ADGRL2: variants seen among roughly 807,000 people sequenced by gnomAD.
ADGRL2 encodes calcium-independent alpha-latrotoxin receptor 2.
In ADGRL2, 44 loss-of-function variants were observed where a neutral mutation model predicts 157.4. The ratio of observed to expected loss-of-function variants is 0.28; its 90% CI spans 0.22 to 0.36. The LOEUF (loss-of-function observed/expected upper bound fraction) is 0.36. Among genes scored for constraint, ADGRL2 ranks in the 10% least tolerant of loss-of-function variants. The probability of loss-of-function intolerance (pLI) is 1.00; values close to 1 mark genes in which losing one functional copy is unlikely to be tolerated. For missense variants in ADGRL2, 1,510 were observed against 1,768.9 expected (o/e 0.85, Z 2.63); for synonymous variants, 585 against 624.7 (o/e 0.94, Z 0.95).
intron 21 of ADGRL2, among the ~76,000 whole-genome samples, chr1:81,986,007 A>T (rs1054828736): frequency 1.3e-5 from 2 of 152,076 alleles, no homozygotes; most frequent in Non-Finnish European, 2.9e-5. Context: ...AATGAAATAT[A>T]ATGACATTTT....
intron 18 of ADGRL2, chr1:81,980,789 C>G: frequency 1.4e-6 from 1 of 706,696 alleles, no homozygotes; most frequent in Non-Finnish European, 2.7e-6. Context: ...TTCTCATCTA[C>G]ACCAGTAATT....
intron 1 of ADGRL2, among the ~76,000 whole-genome samples, chr1:81,750,241 C>A (rs902521743): frequency 2.0e-5 from 3 of 152,274 alleles, no homozygotes; most frequent in South Asian, 2.1e-4. Flanking sequence ...AACAGAGAGC[C>A]TCAGTAGCCT....
At chr1:81,326,825 G>A (rs543690055) in intron 1 of ADGRL2, among the ~76,000 whole-genome samples, 68 of 152,210 alleles carry the variant, frequency 4.5e-4, no homozygotes, top group African/African-American at 1.6e-3. Flanking sequence ...ATCCTGAACC[G>A]TCAGAAATAA....
chr1:81,698,514 G>T (rs911538754), upstream of ADGRL2, among the ~76,000 whole-genome samples: 1 of 152,160 alleles, frequency 6.6e-6, no homozygotes, highest in Non-Finnish European at 1.5e-5. Context: ...GCAAGTTGAA[G>T]CAAAGGCAAT....
intron 3 of ADGRL2, among the ~76,000 whole-genome samples, chr1:81,609,932 A>G (rs2081506414): frequency 6.6e-6 from 1 of 152,214 alleles, no homozygotes. Flanking sequence ...TCACCAATAA[A>G]AATCCACTTC....
chr1:81,929,141 G>A (rs1036258404), intron 3 of ADGRL2, among the ~76,000 whole-genome samples: 2 of 152,054 alleles, frequency 1.3e-5, no homozygotes, highest in Non-Finnish European at 2.9e-5. Flanking sequence ...TGTTCAAGGC[G>A]GTAGATTTTG....
chr1:81,983,201 C>T (rs571136430), intron 19 of ADGRL2, among the ~76,000 whole-genome samples: 14 of 151,852 alleles, frequency 9.2e-5, no homozygotes, highest in Non-Finnish European at 1.6e-4. Context: ...GTCTCTTATG[C>T]TTTTTAGATT....
At chr1:81,330,894 A>C (rs1318140920) in intron 1 of ADGRL2, among the ~76,000 whole-genome samples, 1 of 152,208 alleles carries the variant, frequency 6.6e-6, no homozygotes, top group African/African-American at 2.4e-5. Flanking sequence ...TAAAGAACAC[A>C]GAACACATGT....
chr1:81,710,314 C>A (rs1370519680), intron 1 of ADGRL2, among the ~76,000 whole-genome samples: 1 of 152,034 alleles, frequency 6.6e-6, no homozygotes, highest in African/African-American at 2.4e-5. Context: ...TTTCTACTCT[C>A]AAAAATTATT....
chr1:81,423,257 T>C (rs1010813094), intron 1 of ADGRL2, among the ~76,000 whole-genome samples: 3 of 152,198 alleles, frequency 2.0e-5, no homozygotes, highest in Non-Finnish European at 2.9e-5. Flanking sequence ...CCATGTTACC[T>C]GCTTTTAGGA....
chr1:81,952,465 A>G (rs1234804662), intron 9 of ADGRL2, among the ~76,000 whole-genome samples: 2 of 152,280 alleles, frequency 1.3e-5, no homozygotes, highest in South Asian at 2.1e-4. Flanking sequence ...CAGTTGATAT[A>G]CTTTATATGC....
rs757001353 is a variant in ADGRL2, at chr1:81,951,962, A to T, written c.1614A>T (p.Arg538Ser). The T allele has an allele frequency of 2.5e-6, 4 of 1,603,366 alleles. No homozygotes were observed. Among genetic ancestry groups the T allele is most frequent in the Non-Finnish European group, 3.4e-6 (4 of 1,175,362 alleles). Reference sequence around the variant, plus strand: ...AATACAAATTGTTTTTTCAGATCAGAAGCGGAGAAAATGCTGCTAGTCTTG... The same window carrying T: ...AATACAAATTGTTTTTTCAGATCAGTAGCGGAGAAAATGCTGCTAGTCTTG... The part of the protein sequence containing the change: ...HWVNQLAQKI[R>S]SGENAASLAN... Residue 538 changes from arginine to serine, a missense_variant, in exon 9 of 24, where the codon AGA (arginine) becomes AGT (serine). Arg to Ser is a moderately radical substitution (Grantham distance 110, BLOSUM62 -1). This residue lies in a region of ADGRL2 where 325 missense variants were observed against 333.2 expected (regional missense o/e 0.98). Transcript: ENST00000686636.
intron 1 of ADGRL2, among the ~76,000 whole-genome samples, chr1:81,324,173 G>A (rs1050417666): frequency 2.0e-5 from 3 of 152,082 alleles, no homozygotes; most frequent in East Asian, 3.9e-4. Flanking sequence ...GGCTTCAAGC[G>A]GAGGAGATGG....
rs754888148 is a variant in ADGRL2, at chr1:81,620,089, G to A, written c.-143+39109G>A. On this transcript the variant is annotated intron_variant, in intron 3 of 24. Transcript: ENST00000370721. ...TTATACTATGGTTTAAGGCTCAGAG[G>A]GCTGAGATCTGAAAGACGAGGGCCG... is the stretch of plus-strand genomic sequence containing the variant. Among the ~76,000 whole-genome samples, 17 of 152,144 alleles carry A rather than the reference G, an allele frequency of 1.1e-4. No homozygotes were observed. The East Asian group carries it at 3.1e-3, about 28-fold the overall frequency.
chr1:81,839,377 G>A (rs574756561), intron 2 of ADGRL2, among the ~76,000 whole-genome samples: 1 of 151,668 alleles, frequency 6.6e-6, no homozygotes, highest in East Asian at 1.9e-4. Flanking sequence ...TTCTTTTTTT[G>A]TTTATTTTAT....
chr1:81,462,341 G>A (rs1052513449), intron 2 of ADGRL2, among the ~76,000 whole-genome samples: 5 of 152,136 alleles, frequency 3.3e-5, no homozygotes, highest in Non-Finnish European at 7.4e-5. Context: ...TAGTTCTTTT[G>A]CTGTTTATCA....
intron 1 of ADGRL2, among the ~76,000 whole-genome samples, chr1:81,440,804 G>A (rs113344828): frequency 2.6e-5 from 4 of 152,176 alleles, no homozygotes; most frequent in South Asian, 2.1e-4. Flanking sequence ...CTTACTGCAC[G>A]TCTCAGCAAT....
intron 3 of ADGRL2, among the ~76,000 whole-genome samples, chr1:81,910,609 A>T (rs2094697873): frequency 6.6e-6 from 1 of 150,468 alleles, no homozygotes; most frequent in Non-Finnish European, 1.5e-5. Context: ...TAGATACGAG[A>T]CACCTAACTC....
At chr1:81,489,986 A>G (rs1234175215) in intron 2 of ADGRL2, among the ~76,000 whole-genome samples, 1 of 150,508 alleles carries the variant, frequency 6.6e-6, no homozygotes, top group Non-Finnish European at 1.5e-5. Context: ...GTGAAATGAG[A>G]GACTATATAG....
Sources: allele counts gnomAD v4.1 joint callset (sites outside exome capture counted in the v4.1 genomes callset), GRCh38; gene constraint gnomAD v4.1.1; regional missense constraint gnomAD v4.1.1; transcripts MANE v1.5; gene names NCBI Gene and HGNC (gene_info 2026-07-23, HGNC 2026-07-21).